Variants in MYCBP2 observed in about 807,000 individuals in gnomAD.
MYCBP2 encodes the protein E3 ubiquitin-protein ligase MYCBP2.
A neutral mutation model predicts 525.3 loss-of-function variants in MYCBP2; 120 were observed. The ratio of observed to expected loss-of-function variants is 0.23; its 90% confidence interval spans 0.20 to 0.27. MYCBP2 has a LOEUF of 0.27. Ranked by LOEUF, MYCBP2 falls within the 10% of genes least tolerant of loss-of-function variation. MYCBP2 has a pLI of 1.00. For missense variants in MYCBP2, 4,149 were observed against 5,657.1 expected (o/e 0.73, Z 8.55); for synonymous variants, 1,894 against 1,955.8 (o/e 0.97, Z 0.83).
intron 59 of MYCBP2, among the ~76,000 whole-genome samples, chr13:77,091,429 CA>C (rs770244232): frequency 4.1e-3 from 524 of 128,772 alleles, no homozygotes; most frequent in Non-Finnish European, 4.0e-3. Flanking sequence ...GACTTTTTAC[CA>C]AAAAAAAAAA....
intron 54 of MYCBP2, among the ~76,000 whole-genome samples, chr13:77,123,323 A>G (rs981333601): frequency 2.0e-5 from 3 of 152,204 alleles, no homozygotes; most frequent in African/African-American, 7.2e-5. Context: ...CTATACATCA[A>G]GAGTAAAAGA....
rs765786453 is a variant in MYCBP2 at position 77,288,253 on chromosome 13, A to G, written c.502T>C (p.Leu168=). The change falls in exon 3 of 83, where the codon TTG becomes CTG. Residue 168 remains leucine (L), a synonymous_variant. Transcript: ENST00000544440. ...VLEWQKKEIS[L]AAASKNSVQS... ...ACAGAGTTCTTAGATGCGGCTGCCAATGATATTTCCTTTTTCTGCCATTCC... is the reference window on the plus strand; with the variant it reads ...ACAGAGTTCTTAGATGCGGCTGCCAGTGATATTTCCTTTTTCTGCCATTCC... 1.9e-6 allele frequency: 3 copies of G among 1,614,076 alleles called. No individual in the cohort carries two copies. The highest frequency in any genetic ancestry group is 2.5e-6 in the Non-Finnish European group (3 of 1,180,052).
At chr13:77,181,626 G>A in intron 33 of MYCBP2, 75 bp downstream of exon 33, 2 of 1,167,368 alleles carry the variant, frequency 1.7e-6, no homozygotes, top group Non-Finnish European at 2.5e-6. Context: ...TATTGCCTCT[G>A]TATAAAAGAG....
chr13:77,150,210 A>G (rs567030823), intron 47 of MYCBP2, among the ~76,000 whole-genome samples: 1 of 152,312 alleles, frequency 6.6e-6, no homozygotes, highest in South Asian at 2.1e-4. Context: ...AGAGAACCCA[A>G]AATTGAAGGG....
chr13:77,270,728 T>A (rs1257928957), intron 5 of MYCBP2, among the ~76,000 whole-genome samples, 190 bp from the exon 6 acceptor site: 1 of 152,154 alleles, frequency 6.6e-6, no homozygotes, highest in Non-Finnish European at 1.5e-5. Flanking sequence ...GTAGACTTCC[T>A]TACTCTTGGG....
chr13:77,073,479 C>T (rs143250859), intron 68 of MYCBP2, among the ~76,000 whole-genome samples: 57 of 152,250 alleles, frequency 3.7e-4, no homozygotes, highest in African/African-American at 1.4e-3. Flanking sequence ...AGATCCAGAA[C>T]AAGTCAGAGC....
chr13:77,227,086 A>G (rs1218670616), intron 18 of MYCBP2, among the ~76,000 whole-genome samples: 2 of 152,156 alleles, frequency 1.3e-5, no homozygotes, highest in Non-Finnish European at 2.9e-5. Context: ...CGTTGAAGGA[A>G]TCCTTCATTT....
At chr13:77,047,486 C>T (rs761596320) in intron 82 of MYCBP2, among the ~76,000 whole-genome samples, 40 of 152,018 alleles carry the variant, frequency 2.6e-4, no homozygotes, top group Non-Finnish European at 5.0e-4. Flanking sequence ...TATATACTGA[C>T]GTGTTAATGA....
intron 21 of MYCBP2, among the ~76,000 whole-genome samples, chr13:77,213,459 C>T (rs1218070750): frequency 6.6e-6 from 1 of 151,496 alleles, no homozygotes; most frequent in Non-Finnish European, 1.5e-5. Flanking sequence ...GCCTGGATGA[C>T]AGAGTGAGGC....
intron 52 of MYCBP2, among the ~76,000 whole-genome samples, chr13:77,136,318 T>C (rs983840224): frequency 1.3e-5 from 2 of 152,228 alleles, no homozygotes; most frequent in Non-Finnish European, 2.9e-5. Context: ...TGATATCAAA[T>C]ACAAATATTC....
chr13:77,086,980 A>G (rs1022426571), intron 62 of MYCBP2, among the ~76,000 whole-genome samples: 2 of 152,108 alleles, frequency 1.3e-5, no homozygotes, highest in African/African-American at 4.8e-5. Flanking sequence ...ATATTAACAC[A>G]TTATTCTACA....
intron 45 of MYCBP2, among the ~76,000 whole-genome samples, chr13:77,157,157 C>T (rs2057309262): frequency 6.6e-6 from 1 of 152,180 alleles, no homozygotes; most frequent in Non-Finnish European, 1.5e-5. Context: ...ACAATCACAG[C>T]AACCTCCGCC....
chr13:77,160,880 A>C (rs964972154), intron 44 of MYCBP2, among the ~76,000 whole-genome samples: 3 of 152,206 alleles, frequency 2.0e-5, no homozygotes, highest in Non-Finnish European at 4.4e-5. Flanking sequence ...TTTATTTTAT[A>C]AGACATTGCT....
At position 77,122,855 on chromosome 13, in the gene MYCBP2, C is replaced by A. The variant is rs1036579850; in HGVS notation, c.8018-1360G>T. On this transcript the variant is annotated intron_variant, in intron 54 of 82. Transcript: ENST00000544440. The stretch of plus-strand genomic sequence containing the variant: ...GCATTTGTAGACTTGATTTAAAAAA[C>A]CAATCTTAGCACTTCCCTTAGGCAA... Among the ~76,000 whole-genome samples, 7 of 152,084 alleles carry A rather than the reference C, an allele frequency of 4.6e-5. No individual in the cohort carries two copies. The East Asian group carries it at 1.3e-3, about 29-fold the overall frequency.
At chr13:77,155,575 A>G (rs1032608446) in intron 46 of MYCBP2, among the ~76,000 whole-genome samples, 16 of 152,174 alleles carry the variant, frequency 1.1e-4, no homozygotes, top group African/African-American at 3.9e-4. Context: ...ATATTCATCA[A>G]TATGGTATAC....
intron 20 of MYCBP2, among the ~76,000 whole-genome samples, chr13:77,219,338 G>T (rs1380819624): frequency 6.6e-6 from 1 of 151,978 alleles, no homozygotes; most frequent in East Asian, 1.9e-4. Context: ...GTGGAAGCAG[G>T]CACCACAATG....
At chr13:77,292,623 T>C (rs1177379350) in intron 2 of MYCBP2, among the ~76,000 whole-genome samples, 1 of 151,974 alleles carries the variant, frequency 6.6e-6, no homozygotes, top group Non-Finnish European at 1.5e-5. Flanking sequence ...TATCTGTGGT[T>C]GTCTACAGCC....
intron 55 of MYCBP2, among the ~76,000 whole-genome samples, chr13:77,110,531 C>T (rs1228902082): frequency 6.6e-6 from 1 of 152,106 alleles, no homozygotes; most frequent in African/African-American, 2.4e-5. Context: ...TTGCCCTTTG[C>T]CTTGTGATCT....
At chr13:77,283,068 A>G (rs537146856) in intron 3 of MYCBP2, among the ~76,000 whole-genome samples, 1 of 152,230 alleles carries the variant, frequency 6.6e-6, no homozygotes, top group African/African-American at 2.4e-5. Flanking sequence ...GTTACTTACT[A>G]ACTGGAGTAC....
Sources: gnomAD v4.1 joint callset for allele counts (sites outside exome capture counted in the v4.1 genomes callset) on GRCh38, gnomAD v4.1.1 for gene constraint, MANE v1.5 for transcripts, NCBI Gene and HGNC (gene_info 2026-07-23, HGNC 2026-07-21) for gene names.